Variants in KAT6B observed in about 807,000 individuals in gnomAD.
KAT6B encodes lysine acetyltransferase 6B, also known as histone acetyltransferase KAT6B.
In KAT6B, 10 loss-of-function variants were observed where a neutral mutation model predicts 187.5. That is an observed-to-expected ratio of 0.05 (90% CI 0.03 to 0.09). KAT6B has a LOEUF of 0.09. KAT6B is among the 10% of genes least tolerant of loss of function. The pLI is 1.00. For missense variants in KAT6B, 1,952 were observed against 2,558.9 expected (o/e 0.76, Z 5.12); for synonymous variants, 861 against 926.8 (o/e 0.93, Z 1.29).
intron 3 of KAT6B, among the ~76,000 whole-genome samples, chr10:74,927,452 CTTTTTTTT>C (rs11479404): frequency 8.6e-6 from 1 of 116,690 alleles, no homozygotes; most frequent in Non-Finnish European, 1.8e-5. Flanking sequence ...TGCAAGAAAC[CTTTTTTTT>C]TTTTTTTTTT....
chr10:74,956,103 G>A (rs1840675173), intron 3 of KAT6B, among the ~76,000 whole-genome samples: 1 of 152,022 alleles, frequency 6.6e-6, no homozygotes, highest in African/African-American at 2.4e-5. Context: ...TTTTTATTTT[G>A]TAGAGCTGGG....
chr10:74,958,902 G>T (rs1225451428), intron 3 of KAT6B, among the ~76,000 whole-genome samples: 1 of 151,994 alleles, frequency 6.6e-6, no homozygotes, highest in Non-Finnish European at 1.5e-5. Flanking sequence ...GCCGGGTTTG[G>T]TGGCACGCGC....
chr10:74,912,123 T>C (rs1002691963), intron 3 of KAT6B, among the ~76,000 whole-genome samples: 1 of 152,186 alleles, frequency 6.6e-6, no homozygotes, highest in Non-Finnish European at 1.5e-5. Context: ...GTGTTTATGA[T>C]TAATTTAAAA....
chr10:74,971,047 C>G (rs1454659576), intron 6 of KAT6B, among the ~76,000 whole-genome samples: 1 of 152,076 alleles, frequency 6.6e-6, no homozygotes, highest in East Asian at 1.9e-4. Flanking sequence ...CGTGTGTGCT[C>G]CAGTTTGCCA....
At chr10:74,830,762 ATATATATTTTTTTTTTTTTTTTT>A (rs1468860597) in intron 1 of KAT6B, among the ~76,000 whole-genome samples, 1 of 27,184 alleles carries the variant, frequency 3.7e-5, no homozygotes, top group African/African-American at 2.9e-4. Context: ...ATATATATAT[ATATATATTTTTTTTTTTTTTTTT>A]TTTTTTTTTT....
At position 74,966,249 on chromosome 10, in the gene KAT6B, G is replaced by A. The variant is rs556763529; in HGVS notation, c.731-3411G>A. ...TGCCATTTCATTTCTAACCAAGTCC[G>A]TAAAAGGTTCTCTGCTTTTAAGGAT... On this transcript the variant is annotated intron_variant, in intron 4 of 17. Coordinates refer to ENST00000287239, the MANE Select transcript of KAT6B (RefSeq NM_012330.4). 5.9e-5 allele frequency among the ~76,000 whole-genome samples: 9 copies of A among 152,238 alleles called. No homozygotes were observed. In the South Asian group the frequency reaches 6.2e-4, roughly 11 times the overall value.
chr10:74,892,335 T>C (rs1353016741), intron 3 of KAT6B, among the ~76,000 whole-genome samples: 1 of 152,212 alleles, frequency 6.6e-6, no homozygotes, highest in Non-Finnish European at 1.5e-5. Flanking sequence ...CCCACTGCAC[T>C]GCAGCCTGGG....
intron 3 of KAT6B, among the ~76,000 whole-genome samples, chr10:74,861,926 C>A: frequency 6.6e-6 from 1 of 152,164 alleles, no homozygotes; most frequent in South Asian, 2.1e-4. Flanking sequence ...ATTTACCTTG[C>A]CTAACCCAAG....
At chr10:74,848,286 C>T (rs1005260200) in intron 3 of KAT6B, among the ~76,000 whole-genome samples, 8 of 152,172 alleles carry the variant, frequency 5.3e-5, no homozygotes, top group Admixed American at 6.5e-5. Flanking sequence ...GGGCTAGATG[C>T]GGCCCTGAAT....
intron 10 of KAT6B, among the ~76,000 whole-genome samples, chr10:74,981,330 CCTTCCTTCCTTT>C (rs1842498815): frequency 1.3e-5 from 2 of 149,678 alleles, no homozygotes; most frequent in South Asian, 4.2e-4. Context: ...TTCCTTCCTT[CCTTCCTTCCTTT>C]CTTCCTTTCT....
chr10:74,987,264 C>T (rs932702653), intron 12 of KAT6B, among the ~76,000 whole-genome samples: 8 of 152,036 alleles, frequency 5.3e-5, no homozygotes, highest in Admixed American at 3.3e-4. Flanking sequence ...GGTGAAACCC[C>T]GTCTGTACTA....
intron 1 of KAT6B, among the ~76,000 whole-genome samples, chr10:74,827,765 G>T (rs1013829501): frequency 3.3e-5 from 5 of 152,098 alleles, no homozygotes; most frequent in Non-Finnish European, 7.4e-5. Context: ...TGTGCCAGGG[G>T]TGAGGATGGG....
chr10:74,862,211 T>G (rs1371747823), intron 3 of KAT6B, among the ~76,000 whole-genome samples: 2 of 152,218 alleles, frequency 1.3e-5, no homozygotes, highest in Admixed American at 1.3e-4. Context: ...ATTCTTTAAA[T>G]GTAGTATAAA....
At chr10:75,021,818 C>G in intron 15 of KAT6B, 63 bp from the exon 16 acceptor site, 1 of 1,582,030 alleles carries the variant, frequency 6.3e-7, no homozygotes, top group Non-Finnish European at 8.7e-7. Context: ...GCCATTGATC[C>G]TCAGAGGCTC....
chr10:74,976,184 C>T lies in KAT6B; in HGVS notation c.1847C>T (p.Ala616Val). Residue 616 changes from alanine (A) to valine (V), a missense_variant, in exon 8 of 18, where the codon GCA (alanine) becomes GTA (valine). By Grantham distance (64) the Ala-to-Val change is moderately conservative. Coordinates refer to ENST00000287239, the MANE Select transcript of KAT6B (RefSeq NM_012330.4). Reference protein sequence around the residue: ...WGMARGSIFKAIAHFKRTTFL... With the variant: ...WGMARGSIFKVIAHFKRTTFL... ...ATGGCTAGAGGAAGTATTTTTAAAG[C>T]AATTGCTCACTTCAAGCGAACAACT... The T allele has an allele frequency of 6.2e-7, 1 of 1,614,182 alleles. No individual in the cohort carries two copies.
intron 3 of KAT6B, among the ~76,000 whole-genome samples, chr10:74,945,267 AAG>A (rs1361400902): frequency 6.6e-6 from 1 of 152,224 alleles, no homozygotes; most frequent in East Asian, 1.9e-4. Flanking sequence ...TAAGTCATAA[AAG>A]AGTACGGATT....
At chr10:74,843,882 T>C (rs942253054) in intron 3 of KAT6B, among the ~76,000 whole-genome samples, 5 of 152,258 alleles carry the variant, frequency 3.3e-5, no homozygotes, top group Non-Finnish European at 5.9e-5. Flanking sequence ...TTTACTATTA[T>C]TATTTTTTTG....
chr10:74,988,960 A>G, intron 12 of KAT6B, 59 bp from the exon 13 acceptor site: 1 of 1,152,738 alleles, frequency 8.7e-7, no homozygotes, highest in Non-Finnish European at 1.3e-6. Flanking sequence ...TGGCAGGTGC[A>G]GGGAATTGCC....
Position 74,972,561 on chromosome 10 carries a change from A to G in KAT6B, c.983A>G (p.His328Arg), listed in dbSNP as rs747347110. 1 of 1,611,126 alleles carries G rather than the reference A, an allele frequency of 6.2e-7. No individual in the cohort carries two copies. Among genetic ancestry groups the G allele is most frequent in the Non-Finnish European group, 8.5e-7 (1 of 1,177,524 alleles). The change falls in exon 7 of 18, where the codon CAT becomes CGT. Residue 328 changes from histidine to arginine, a missense_variant. His to Arg is a conservative substitution (Grantham distance 29). Around this residue, in one of 9 missense-constraint regions of KAT6B, gnomAD observed 417 missense variants for 508.9 expected, o/e 0.82. Transcript: ENST00000287239. ...AAGAAAAAGGGAAGAAAACTACTTC[A>G]TGAGAAAGCTGCACAAATAAAACGA... ...RPKKKGRKLL[H>R]EKAAQIKRRY...
Sources: gnomAD v4.1 joint callset for allele counts (sites outside exome capture counted in the v4.1 genomes callset) on GRCh38, gnomAD v4.1.1 for gene constraint, gnomAD v4.1.1 regional missense constraint, MANE v1.5 for transcripts, NCBI Gene and HGNC (gene_info 2026-07-23, HGNC 2026-07-21) for gene names.